DLGAP2: variants seen among roughly 807,000 people sequenced by gnomAD.
DLGAP2 encodes DLG associated protein 2, also known as disks large-associated protein 2.
Under a neutral mutation model 100.3 loss-of-function variants are expected in DLGAP2, and 26 were observed. That is an observed-to-expected ratio of 0.26 (90% CI 0.19 to 0.36). The LOEUF is 0.36. DLGAP2 is among the 10% of genes least tolerant of loss of function. The probability of loss-of-function intolerance (pLI) is 1.00; values close to 1 mark genes in which losing one functional copy is unlikely to be tolerated. For synonymous variants in DLGAP2, 886 were observed against 630.1 expected, an observed-to-expected ratio of 1.41 and a Z score of -6.08; for missense variants, 1,858 against 1,453.2, an observed-to-expected ratio of 1.28 and a Z score of -4.53.
chr8:1,349,684 C>T (rs1371133933), intron 3 of DLGAP2, among the ~76,000 whole-genome samples: 4 of 117,974 alleles, frequency 3.4e-5, no homozygotes, highest in African/African-American at 8.4e-5. Flanking sequence ...CTATCATGAG[C>T]CTCCTGCCCA....
intron 3 of DLGAP2, among the ~76,000 whole-genome samples, chr8:1,263,861 T>A (rs930083720): frequency 6.6e-6 from 1 of 152,184 alleles, no homozygotes. Context: ...TGTATAAAAA[T>A]GATCTTTTCT....
intron 2 of DLGAP2, among the ~76,000 whole-genome samples, chr8:972,886 T>A (rs935227829): frequency 1.3e-5 from 2 of 152,180 alleles, no homozygotes; most frequent in African/African-American, 4.8e-5. Flanking sequence ...CCTTAATCCA[T>A]TTAACCCTGA....
chr8:1,253,072 C>T (rs139818253), intron 2 of DLGAP2, among the ~76,000 whole-genome samples: 2,301 of 152,276 alleles, frequency 0.015, 30 homozygotes, highest in Non-Finnish European at 0.022. Flanking sequence ...CGGCAAATGC[C>T]GCCCACGCCC....
At chr8:1,043,943 G>C (rs932288327) in intron 2 of DLGAP2, among the ~76,000 whole-genome samples, 1 of 146,232 alleles carries the variant, frequency 6.8e-6, no homozygotes, top group African/African-American at 2.4e-5. Flanking sequence ...GGGTGCAGTT[G>C]CTTGTGATGC....
intron 6 of DLGAP2, among the ~76,000 whole-genome samples, chr8:1,566,930 C>T (rs1282289353): frequency 1.3e-5 from 2 of 152,238 alleles, no homozygotes; most frequent in East Asian, 3.8e-4. Context: ...GAATGCCAGA[C>T]AAGTCATGCC....
chr8:1,252,902 G>A (rs1799080836), intron 2 of DLGAP2, among the ~76,000 whole-genome samples: 1 of 152,216 alleles, frequency 6.6e-6, no homozygotes, highest in Non-Finnish European at 1.5e-5. Flanking sequence ...CACTGTCACA[G>A]CTGGAGGGAG....
intron 7 of DLGAP2, among the ~76,000 whole-genome samples, chr8:1,630,957 G>A (rs1411810478): frequency 9.7e-6 from 1 of 103,618 alleles, no homozygotes. Flanking sequence ...GGAGGTCCCA[G>A]TGTCCCGAGG....
chr8:1,586,234 T>C (rs1218769481), intron 6 of DLGAP2, among the ~76,000 whole-genome samples: 3 of 152,242 alleles, frequency 2.0e-5, no homozygotes, highest in Non-Finnish European at 4.4e-5. Context: ...TCCGGGGATC[T>C]GCGTGGGGAG....
chr8:1,215,112 G>C (rs1798186630), intron 2 of DLGAP2, among the ~76,000 whole-genome samples: 1 of 152,156 alleles, frequency 6.6e-6, no homozygotes, highest in Non-Finnish European at 1.5e-5. Flanking sequence ...GAGGAACTTT[G>C]GGGCACTAAC....
intron 1 of DLGAP2, among the ~76,000 whole-genome samples, chr8:762,882 T>C (rs1821122036): frequency 6.6e-6 from 1 of 152,072 alleles, no homozygotes. Context: ...TTCACCATAT[T>C]GCTCAGGCTG....
intron 3 of DLGAP2, among the ~76,000 whole-genome samples, chr8:1,343,739 G>A (rs1281340117): frequency 3.3e-5 from 5 of 151,966 alleles, no homozygotes; most frequent in Non-Finnish European, 7.4e-5. Flanking sequence ...CGATGTGCAC[G>A]ACAGTGGAAC....
intron 8 of DLGAP2, among the ~76,000 whole-genome samples, chr8:1,651,827 C>A (rs1798172434): frequency 6.6e-6 from 1 of 152,076 alleles, no homozygotes; most frequent in Non-Finnish European, 1.5e-5. Context: ...TAAAAAAAAA[C>A]GAAGTGATGG....
At chr8:837,030 C>G (rs1254746716) in intron 1 of DLGAP2, among the ~76,000 whole-genome samples, 2 of 152,248 alleles carry the variant, frequency 1.3e-5, no homozygotes, top group Non-Finnish European at 2.9e-5. Context: ...AACACAGATT[C>G]TGGAGCCAGA....
intron 3 of DLGAP2, among the ~76,000 whole-genome samples, chr8:1,417,726 G>GGGGGGCACGGGAGGCCCCACTCCTGCCTC (rs1796967566): frequency 7.0e-6 from 1 of 142,482 alleles, no homozygotes; most frequent in African/African-American, 2.6e-5. Context: ...CGAGGCTCCA[G>GGGGGGCACGGGAGGCCCCACTCCTGCCTC]ACACAGAAGC....
chr8:1,684,493 G>C (rs1487963712), intron 12 of DLGAP2, among the ~76,000 whole-genome samples: 2 of 152,028 alleles, frequency 1.3e-5, no homozygotes, highest in Admixed American at 6.6e-5. Flanking sequence ...CTAAAACTCT[G>C]ATCTCTGAAT....
chr8:1,460,598 A>G (rs976618491), intron 3 of DLGAP2, among the ~76,000 whole-genome samples: 1 of 152,144 alleles, frequency 6.6e-6, no homozygotes, highest in African/African-American at 2.4e-5. Flanking sequence ...CAGGTTTTTC[A>G]TTGATAGAAT....
chr8:1,630,206 A>C (rs1008428564), intron 7 of DLGAP2, among the ~76,000 whole-genome samples: 1 of 152,198 alleles, frequency 6.6e-6, no homozygotes, highest in Non-Finnish European at 1.5e-5. Flanking sequence ...TATCACACCC[A>C]GAAACAAACG....
chr8:1,548,153 C>T (rs907914063), intron 4 of DLGAP2, among the ~76,000 whole-genome samples: 2 of 152,092 alleles, frequency 1.3e-5, no homozygotes, highest in South Asian at 2.1e-4. Context: ...ACTCCTCACA[C>T]TTTGCGATAT....
intron 2 of DLGAP2, among the ~76,000 whole-genome samples, chr8:1,054,687 A>G (rs1033143397): frequency 6.6e-6 from 1 of 152,204 alleles, no homozygotes; most frequent in Non-Finnish European, 1.5e-5. Flanking sequence ...ACAATGCACT[A>G]TTCTCAGCAG....
Sources: allele counts gnomAD v4.1 joint callset (sites outside exome capture counted in the v4.1 genomes callset), GRCh38; gene constraint gnomAD v4.1.1; transcripts MANE v1.5; gene names NCBI Gene and HGNC (gene_info 2026-07-23, HGNC 2026-07-21).